Variants in WDR70 observed in about 807,000 individuals in gnomAD.
WDR70 encodes WD repeat domain 70, also known as WD repeat-containing protein 70.
Under a neutral mutation model 88.6 loss-of-function variants are expected in WDR70, and 53 were observed. The ratio of observed to expected loss-of-function variants is 0.60; its 90% CI spans 0.48 to 0.75. WDR70 has a LOEUF of 0.75. Ranked by LOEUF, WDR70 falls within the 30% of genes least tolerant of loss-of-function variation. The pLI is 0.00. For missense variants in WDR70, 610 were observed against 823.2 expected, an observed-to-expected ratio of 0.74 and a Z score of 3.17; for synonymous variants, 280 against 270.0, an observed-to-expected ratio of 1.04 and a Z score of -0.36.
Position 37,393,894 on chromosome 5 carries a change from C to T in WDR70, c.296+1774C>T, listed in dbSNP as rs867938444. Among the ~76,000 whole-genome samples, 3 of 152,228 alleles carry T rather than the reference C, an allele frequency of 2.0e-5. No homozygotes were observed. The South Asian group carries it at 6.2e-4, about 32-fold the overall frequency. Reference sequence around the variant, plus strand: ...ACAGGTGTTCACAGTGTTGCCCAGGCTAGTCTTGAACTCCTGAGCTCAAGC... The same window carrying T: ...ACAGGTGTTCACAGTGTTGCCCAGGTTAGTCTTGAACTCCTGAGCTCAAGC... On this transcript the variant is annotated intron_variant, in intron 4 of 17. Transcript: ENST00000265107.
intron 10 of WDR70, among the ~76,000 whole-genome samples, chr5:37,683,683 G>T (rs940166846): frequency 6.6e-6 from 1 of 152,162 alleles, no homozygotes; most frequent in Non-Finnish European, 1.5e-5. Context: ...GTCTCTTCTG[G>T]CTTGTAGGGT....
intron 5 of WDR70, among the ~76,000 whole-genome samples, chr5:37,415,769 GCGGAGGGTCTCCTCA>G (rs1262642242): frequency 6.7e-6 from 1 of 148,920 alleles, no homozygotes; most frequent in Non-Finnish European, 1.5e-5. Context: ...CGGCTGCCGG[GCGGAGGGTCTCCTCA>G]CTTCTCAGAC....
chr5:37,436,421 C>CCTA (rs1331514339), intron 5 of WDR70, among the ~76,000 whole-genome samples: 2 of 152,124 alleles, frequency 1.3e-5, no homozygotes, highest in Admixed American at 1.3e-4. Context: ...AAAACTCTAG[C>CCTA]ATTTCTGGCT....
At chr5:37,527,380 G>A (rs1251913103) in intron 9 of WDR70, among the ~76,000 whole-genome samples, 2 of 152,078 alleles carry the variant, frequency 1.3e-5, no homozygotes. Flanking sequence ...CAAGAAATGG[G>A]GAAAGGATTC....
chr5:37,468,453 C>T (rs1431718049), intron 7 of WDR70, among the ~76,000 whole-genome samples: 1 of 151,956 alleles, frequency 6.6e-6, no homozygotes, highest in Non-Finnish European at 1.5e-5. Flanking sequence ...TTTATTTTTT[C>T]ATTTTATTTC....
At chr5:37,516,256 T>A (rs1281921095) in intron 8 of WDR70, among the ~76,000 whole-genome samples, 1 of 152,214 alleles carries the variant, frequency 6.6e-6, no homozygotes, top group Non-Finnish European at 1.5e-5. Flanking sequence ...TTTCCCACCT[T>A]ACTAAGCACC....
At chr5:37,535,836 A>G (rs928309282) in intron 9 of WDR70, among the ~76,000 whole-genome samples, 8 of 152,216 alleles carry the variant, frequency 5.3e-5, no homozygotes, top group African/African-American at 2.4e-5. Context: ...ATTTTTCCCA[A>G]GGACACATAA....
chr5:37,589,913 G>C lies in WDR70; in HGVS notation c.918-15151G>C, dbSNP rs563696130. Among the ~76,000 whole-genome samples the C allele has an allele frequency of 3.9e-5, 6 of 152,182 alleles. No individual in the cohort carries two copies. The South Asian group carries it at 1.2e-3, about 32-fold the overall frequency. ...CACCGTGCCTAACTTCTTGCTGCTT[G>C]ATTTAATGAAATAAAATATTTTACA... On this transcript the variant is annotated intron_variant, in intron 9 of 17. Coordinates refer to ENST00000265107, the MANE Select transcript of WDR70 (RefSeq NM_018034.4).
intron 8 of WDR70, among the ~76,000 whole-genome samples, chr5:37,493,291 T>C (rs1002944673): frequency 1.3e-5 from 2 of 152,278 alleles, no homozygotes; most frequent in African/African-American, 4.8e-5. Flanking sequence ...AGGGTGTCAG[T>C]AAGACTGCAC....
intron 5 of WDR70, among the ~76,000 whole-genome samples, chr5:37,404,502 T>C (rs1749293187): frequency 6.6e-6 from 1 of 152,264 alleles, no homozygotes. Flanking sequence ...TGCATGTTAA[T>C]GTCTCTGAAG....
intron 9 of WDR70, among the ~76,000 whole-genome samples, chr5:37,599,630 G>T (rs59565213): frequency 2.0e-5 from 3 of 152,130 alleles, no homozygotes; most frequent in Non-Finnish European, 4.4e-5. Flanking sequence ...GGTGGCTCAC[G>T]CCTATAATCT....
At chr5:37,482,985 A>G (rs1739718550) in intron 8 of WDR70, among the ~76,000 whole-genome samples, 1 of 151,036 alleles carries the variant, frequency 6.6e-6, no homozygotes, top group Non-Finnish European at 1.5e-5. Context: ...AGTTTGAGGT[A>G]GTGTGCGATG....
chr5:37,561,837 T>C (rs745901248), intron 9 of WDR70, among the ~76,000 whole-genome samples: 2 of 152,174 alleles, frequency 1.3e-5, no homozygotes, highest in Non-Finnish European at 2.9e-5. Flanking sequence ...TTGTAAGCAG[T>C]TTTGCTATTT....
Position 37,638,904 on chromosome 5 carries a change from T to C in WDR70, c.1092+33666T>C, listed in dbSNP as rs1002349754. Among the ~76,000 whole-genome samples, 3 of 152,198 alleles carry C rather than the reference T, an allele frequency of 2.0e-5. No individual in the cohort carries two copies. In the East Asian group the frequency reaches 5.8e-4, roughly 29 times the overall value. ...AAGACTACAATATTAGCTTCAATTA[T>C]CTTTAGGTATTTCTAGAATAATTTA... is the stretch of plus-strand genomic sequence containing the variant. On this transcript the variant is annotated intron_variant, in intron 10 of 17. Transcript: ENST00000265107.
chr5:37,468,008 C>T (rs578041318), intron 7 of WDR70, among the ~76,000 whole-genome samples: 62 of 152,260 alleles, frequency 4.1e-4, no homozygotes, highest in African/African-American at 1.4e-3. Context: ...GCCACCGCGC[C>T]TGGCCTAATT....
At chr5:37,710,596 C>G (rs1320447627) in intron 13 of WDR70, among the ~76,000 whole-genome samples, 1 of 151,860 alleles carries the variant, frequency 6.6e-6, no homozygotes, top group African/African-American at 2.4e-5. Flanking sequence ...ACTTAGTAAT[C>G]AAGATAAGTA....
intron 9 of WDR70, among the ~76,000 whole-genome samples, chr5:37,535,929 G>A (rs915627534): frequency 6.6e-6 from 1 of 152,200 alleles, no homozygotes; most frequent in Admixed American, 6.5e-5. Context: ...TGTCACAAAC[G>A]TGATGATGAT....
At chr5:37,539,795 A>C (rs1218690397) in intron 9 of WDR70, among the ~76,000 whole-genome samples, 1 of 152,144 alleles carries the variant, frequency 6.6e-6, no homozygotes, top group African/African-American at 2.4e-5. Context: ...AAACTTGTCC[A>C]TTTTTTCCCC....
intron 7 of WDR70, among the ~76,000 whole-genome samples, chr5:37,462,200 A>G (rs945067790): frequency 6.6e-6 from 1 of 151,882 alleles, no homozygotes; most frequent in Non-Finnish European, 1.5e-5. Flanking sequence ...ATTCTTAAGG[A>G]TTTCTTATTT....
Sources: gnomAD v4.1 joint callset for allele counts (sites outside exome capture counted in the v4.1 genomes callset) on GRCh38, gnomAD v4.1.1 for gene constraint, MANE v1.5 for transcripts, NCBI Gene and HGNC (gene_info 2026-07-23, HGNC 2026-07-21) for gene names.